The following GPC5 variants were observed in gnomAD, a reference collection of about 807,000 sequenced individuals.
The protein encoded by GPC5 is glypican 5, also known as glypican-5.
GPC5 carries 47 observed loss-of-function variants against 53.9 expected under a neutral mutation model. The observed-to-expected ratio is 0.87, with a 90% CI of 0.69 to 1.11. GPC5 has a LOEUF of 1.11. Ranked by LOEUF, GPC5 falls within the 50% of genes most tolerant of loss-of-function variation. The pLI, the probability that GPC5 is intolerant of heterozygous loss-of-function variation, is 0.00. For synonymous variants in GPC5, 286 were observed against 263.3 expected, an observed-to-expected ratio of 1.09 and a Z score of -0.84; for missense variants, 748 against 713.1, an observed-to-expected ratio of 1.05 and a Z score of -0.56.
At chr13:92,354,615 A>G (rs1029050901) in intron 7 of GPC5, among the ~76,000 whole-genome samples, 5 of 152,224 alleles carry the variant, frequency 3.3e-5, no homozygotes, top group Non-Finnish European at 7.3e-5. Flanking sequence ...GTAAACAAAC[A>G]TATAAAACTA....
intron 6 of GPC5, among the ~76,000 whole-genome samples, chr13:91,941,144 A>G (rs1050294449): frequency 2.0e-5 from 3 of 152,038 alleles, no homozygotes; most frequent in African/African-American, 7.2e-5. Context: ...GTGTTATCAA[A>G]GATCAGATGG....
chr13:91,428,619 G>A (rs1425692806), intron 1 of GPC5, among the ~76,000 whole-genome samples: 1 of 152,126 alleles, frequency 6.6e-6, no homozygotes, highest in Admixed American at 6.6e-5. Context: ...CTGGGGACCT[G>A]TCCCTGTCTA....
chr13:91,968,645 A>G (rs1205232878), intron 6 of GPC5, among the ~76,000 whole-genome samples: 51 of 151,960 alleles, frequency 3.4e-4, no homozygotes, highest in Non-Finnish European at 5.9e-5. Flanking sequence ...TACTTTTAGT[A>G]GAAGTGGGGT....
At chr13:92,760,030 T>C (rs1452958689) in intron 7 of GPC5, among the ~76,000 whole-genome samples, 3 of 152,116 alleles carry the variant, frequency 2.0e-5, no homozygotes, top group Non-Finnish European at 4.4e-5. Flanking sequence ...GATTTGCACA[T>C]GTTAAATCTG....
chr13:92,396,233 C>A (rs1875263177), intron 7 of GPC5, among the ~76,000 whole-genome samples: 1 of 152,066 alleles, frequency 6.6e-6, no homozygotes, highest in Non-Finnish European at 1.5e-5. Flanking sequence ...CTCACTGATT[C>A]TTTCCTCATT....
intron 7 of GPC5, among the ~76,000 whole-genome samples, chr13:92,566,321 T>C (rs1030663632): frequency 2.0e-5 from 3 of 152,132 alleles, no homozygotes; most frequent in Non-Finnish European, 4.4e-5. Flanking sequence ...TCAAAATGTT[T>C]GGAGATATAC....
At chr13:92,640,707 TG>T (rs1885567136) in intron 7 of GPC5, among the ~76,000 whole-genome samples, 1 of 151,956 alleles carries the variant, frequency 6.6e-6, no homozygotes, top group Admixed American at 6.6e-5. Context: ...AAGAAAACAA[TG>T]GGGACATGCC....
intron 7 of GPC5, among the ~76,000 whole-genome samples, chr13:92,837,395 G>A (rs1036079458): frequency 1.3e-5 from 2 of 152,110 alleles, no homozygotes; most frequent in Admixed American, 6.6e-5. Flanking sequence ...TAACTGGAGA[G>A]GCGACAATTC....
intron 6 of GPC5, among the ~76,000 whole-genome samples, chr13:92,097,543 A>G (rs1457663133): frequency 6.6e-6 from 1 of 152,214 alleles, no homozygotes; most frequent in Non-Finnish European, 1.5e-5. Context: ...TTACTCATAG[A>G]CGTCTTACAT....
At chr13:92,604,667 A>C (rs1422849025) in intron 7 of GPC5, among the ~76,000 whole-genome samples, 2 of 152,194 alleles carry the variant, frequency 1.3e-5, no homozygotes, top group Non-Finnish European at 2.9e-5. Flanking sequence ...TTTTGTCAGG[A>C]AAATCACTTT....
At chr13:92,533,304 T>C (rs1467535255) in intron 7 of GPC5, among the ~76,000 whole-genome samples, 1 of 152,198 alleles carries the variant, frequency 6.6e-6, no homozygotes, top group African/African-American at 2.4e-5. Flanking sequence ...TCATCTGTTT[T>C]CTTTGAGCTA....
At chr13:92,533,323 A>C (rs1213616074) in intron 7 of GPC5, among the ~76,000 whole-genome samples, 1 of 152,146 alleles carries the variant, frequency 6.6e-6, no homozygotes. Flanking sequence ...TAGCAAGCAT[A>C]TCTTGATAAA....
At chr13:91,621,310 A>G (rs1220749717) in intron 2 of GPC5, among the ~76,000 whole-genome samples, 5 of 152,100 alleles carry the variant, frequency 3.3e-5, no homozygotes, top group African/African-American at 1.2e-4. Context: ...TGTCTCTTTC[A>G]TCTGATAACA....
chr13:91,654,317 C>T (rs2034794687), intron 2 of GPC5, among the ~76,000 whole-genome samples: 1 of 152,134 alleles, frequency 6.6e-6, no homozygotes, highest in African/African-American at 2.4e-5. Context: ...TATGAAGACA[C>T]TCATTACATT....
Position 92,222,968 on chromosome 13 carries a change from T to C in GPC5, c.1561+77979T>C, listed in dbSNP as rs116854748. ...TGCTGTATACAAAATTAAGTTGTTT[T>C]AGGTTTATTGAAAAATATTTTATGG... On this transcript the variant is annotated intron_variant, in intron 7 of 7. Transcript: ENST00000377067. Among the ~76,000 whole-genome samples, 380 of 152,270 alleles carry C rather than the reference T, an allele frequency of 2.5e-3. 1 individual carries two copies. The highest frequency in any genetic ancestry group is 4.5e-3 in the Non-Finnish European group (308 of 67,996).
chr13:92,279,898 C>T (rs888215808), intron 7 of GPC5, among the ~76,000 whole-genome samples: 7 of 152,006 alleles, frequency 4.6e-5, no homozygotes, highest in Admixed American at 6.6e-5. Context: ...ATTTTGATAT[C>T]GGTCGAATTC....
At chr13:92,479,117 A>G (rs1419933024) in intron 7 of GPC5, among the ~76,000 whole-genome samples, 1 of 152,166 alleles carries the variant, frequency 6.6e-6, no homozygotes, top group Non-Finnish European at 1.5e-5. Context: ...AGAGTTCAGA[A>G]TGAGTCATAT....
intron 6 of GPC5, among the ~76,000 whole-genome samples, chr13:91,946,152 T>C (rs1418197102): frequency 6.6e-6 from 1 of 152,192 alleles, no homozygotes; most frequent in East Asian, 1.9e-4. Flanking sequence ...TACTCCTTGC[T>C]CAGCTTAGTA....
chr13:92,716,164 A>ATTCT (rs1310380396), intron 7 of GPC5, among the ~76,000 whole-genome samples: 1 of 152,160 alleles, frequency 6.6e-6, no homozygotes, highest in Non-Finnish European at 1.5e-5. Context: ...ATAAGATTTT[A>ATTCT]TTCTTCATAC....
Sources: gnomAD v4.1 joint callset for allele counts (sites outside exome capture counted in the v4.1 genomes callset) on GRCh38, gnomAD v4.1.1 for gene constraint, MANE v1.5 for transcripts, NCBI Gene and HGNC (gene_info 2026-07-23, HGNC 2026-07-21) for gene names.